The following STK32B variants were observed in gnomAD, a reference collection of about 807,000 sequenced individuals.
The protein encoded by STK32B is serine/threonine-protein kinase 32B.
Under a neutral mutation model 52.6 loss-of-function variants are expected in STK32B, and 43 were observed. The observed-to-expected ratio is 0.82, with a 90% CI of 0.64 to 1.05. The LOEUF is 1.05. STK32B is among the 50% of genes least tolerant of loss of function. The pLI is 0.00. For missense variants in STK32B, 621 were observed against 534.6 expected (o/e 1.16, Z -1.59); for synonymous variants, 238 against 204.3 (o/e 1.17, Z -1.41).
chr4:5,051,718 C>A lies in STK32B; in HGVS notation c.-146C>A, dbSNP rs1335682987. 11 of 1,047,218 alleles carry A rather than the reference C, an allele frequency of 1.1e-5. No individual in the cohort carries two copies. The highest frequency in any genetic ancestry group is 8.2e-5 in the Admixed American group (3 of 36,582). The allele number at this position is 1,047,218 out of a possible 1,614,324, so 64.9% of individuals were successfully genotyped here. On this transcript the variant is annotated 5_prime_UTR_variant, in exon 1 of 12. Coordinates refer to ENST00000282908, the MANE Select transcript of STK32B (RefSeq NM_018401.3). ...AAGGGGGACGCCGTCCCCGCCCCTG[C>A]ACGGTGCTCGGCCCCCTCGGGCTCC...
intron 3 of STK32B, among the ~76,000 whole-genome samples, chr4:5,288,490 T>G (rs1161023942): frequency 2.6e-5 from 4 of 152,220 alleles, no homozygotes; most frequent in African/African-American, 9.6e-5. Flanking sequence ...TGATTAATGA[T>G]GTTGAACATC....
At chr4:5,107,339 G>A (rs968736637) in intron 1 of STK32B, among the ~76,000 whole-genome samples, 3 of 152,126 alleles carry the variant, frequency 2.0e-5, no homozygotes, top group Admixed American at 1.3e-4. Flanking sequence ...ATATATTACA[G>A]TGTAATAATA....
chr4:5,290,179 A>C (rs1295739187), intron 3 of STK32B, among the ~76,000 whole-genome samples: 2 of 152,160 alleles, frequency 1.3e-5, no homozygotes. Context: ...CCCATCTTCC[A>C]AGGCTCACCT....
chr4:5,272,579 G>A (rs186249695), intron 3 of STK32B, among the ~76,000 whole-genome samples: 1 of 152,064 alleles, frequency 6.6e-6, no homozygotes, highest in Non-Finnish European at 1.5e-5. Context: ...CAGAAGGAAT[G>A]GTACCAGTTC....
At chr4:5,448,583 C>G (rs1715687933) in intron 7 of STK32B, among the ~76,000 whole-genome samples, 1 of 152,364 alleles carries the variant, frequency 6.6e-6, no homozygotes, top group African/African-American at 2.4e-5. Flanking sequence ...CAAAAAGCCT[C>G]AAGGATGGAG....
chr4:5,374,338 T>C (rs938068359), intron 4 of STK32B, among the ~76,000 whole-genome samples: 2 of 152,246 alleles, frequency 1.3e-5, no homozygotes, highest in Non-Finnish European at 2.9e-5. Flanking sequence ...TAACATTCTA[T>C]AATAGACAAA....
intron 3 of STK32B, among the ~76,000 whole-genome samples, chr4:5,241,484 C>G (rs1204897225): frequency 2.0e-5 from 3 of 152,104 alleles, no homozygotes; most frequent in Non-Finnish European, 4.4e-5. Flanking sequence ...GAGCCAAGAT[C>G]ATGCAGGTGG....
At chr4:5,187,453 T>G (rs1720829087) in intron 3 of STK32B, among the ~76,000 whole-genome samples, 1 of 152,224 alleles carries the variant, frequency 6.6e-6, no homozygotes, top group South Asian at 2.1e-4. Flanking sequence ...TGTTACTGTC[T>G]CGTTTACAGC....
intron 3 of STK32B, among the ~76,000 whole-genome samples, chr4:5,316,787 ATATATAT>A (rs372051403): frequency 0.99 from 11,386 of 11,528 alleles, 5,625 homozygotes; most frequent in Middle Eastern, 1. Flanking sequence ...TATATTATAC[ATATATAT>A]TATATATTAT....
chr4:5,234,655 T>C (rs535664471), intron 3 of STK32B, among the ~76,000 whole-genome samples: 2 of 152,370 alleles, frequency 1.3e-5, no homozygotes, highest in East Asian at 3.9e-4. Flanking sequence ...TTACAGACTT[T>C]GTTGTTTATT....
chr4:5,345,100 A>G (rs1054626887), intron 4 of STK32B, among the ~76,000 whole-genome samples: 5 of 152,016 alleles, frequency 3.3e-5, no homozygotes, highest in African/African-American at 1.2e-4. Context: ...AAAACTGTCT[A>G]AAAGATAAGT....
chr4:5,286,853 A>G (rs1728579525), intron 3 of STK32B, among the ~76,000 whole-genome samples: 1 of 137,296 alleles, frequency 7.3e-6, no homozygotes, highest in Non-Finnish European at 1.5e-5. Flanking sequence ...GCTGGAGTGC[A>G]GTGACGCGAT....
intron 11 of STK32B, among the ~76,000 whole-genome samples, chr4:5,492,209 G>T (rs1230029568): frequency 6.6e-6 from 1 of 152,184 alleles, no homozygotes; most frequent in Non-Finnish European, 1.5e-5. Flanking sequence ...TCCTACCCAT[G>T]AGCATGGAAT....
chr4:5,239,590 T>G (rs1309363214), intron 3 of STK32B, among the ~76,000 whole-genome samples: 2 of 152,104 alleles, frequency 1.3e-5, no homozygotes, highest in Non-Finnish European at 2.9e-5. Context: ...ATACTGGCAC[T>G]GAGTGTGCAC....
intron 1 of STK32B, among the ~76,000 whole-genome samples, chr4:5,057,628 G>A (rs190299102): frequency 6.6e-6 from 1 of 152,274 alleles, no homozygotes; most frequent in African/African-American, 2.4e-5. Context: ...ATAGAGGGAG[G>A]ATTTATGTTG....
chr4:5,162,950 A>G lies in STK32B; in HGVS notation c.109-5349A>G, dbSNP rs566413434. Reference sequence around the variant, plus strand: ...CAGATCCCTCAATCACATGGTTGTCATGGGATTTTGAGCAGGGAAGAACGG... The same window carrying G: ...CAGATCCCTCAATCACATGGTTGTCGTGGGATTTTGAGCAGGGAAGAACGG... On this transcript the variant is annotated intron_variant, in intron 2 of 11. Coordinates refer to ENST00000282908, the MANE Select transcript of STK32B (RefSeq NM_018401.3). Among the ~76,000 whole-genome samples the G allele has an allele frequency of 1.4e-4, 21 of 152,304 alleles. No individual in the cohort carries two copies. The South Asian group carries it at 4.3e-3, about 32-fold the overall frequency.
At chr4:5,063,750 C>A (rs1444523964) in intron 1 of STK32B, among the ~76,000 whole-genome samples, 1 of 152,174 alleles carries the variant, frequency 6.6e-6, no homozygotes, top group Non-Finnish European at 1.5e-5. Flanking sequence ...GGGTTAGCTA[C>A]AATTAAAGTG....
chr4:5,317,816 A>G (rs150483010), intron 3 of STK32B, among the ~76,000 whole-genome samples: 2 of 152,136 alleles, frequency 1.3e-5, no homozygotes, highest in African/African-American at 4.8e-5. Context: ...TGCTGTGTTC[A>G]GTAGGCATTC....
intron 3 of STK32B, among the ~76,000 whole-genome samples, chr4:5,317,478 T>C (rs1304474425): frequency 1.0e-4 from 6 of 59,444 alleles, no homozygotes; most frequent in Non-Finnish European, 1.8e-4. Context: ...ATAATATATA[T>C]ATTACATATA....
Sources: allele counts gnomAD v4.1 joint callset (sites outside exome capture counted in the v4.1 genomes callset), GRCh38; gene constraint gnomAD v4.1.1; transcripts MANE v1.5; gene names NCBI Gene and HGNC (gene_info 2026-07-23, HGNC 2026-07-21).